The following PCDH7 variants were observed in gnomAD, a reference collection of about 807,000 sequenced individuals.
The protein encoded by PCDH7 is protocadherin 7, also known as protocadherin-7.
Under a neutral mutation model 58.9 loss-of-function variants are expected in PCDH7, and 17 were observed. The observed-to-expected ratio is 0.29, with a 90% CI of 0.20 to 0.43. The LOEUF (loss-of-function observed/expected upper bound fraction) is 0.43. Among genes scored for constraint, PCDH7 ranks in the 20% least tolerant of loss-of-function variants. The pLI, the probability that PCDH7 is intolerant of heterozygous loss-of-function variation, is 1.00. For missense variants in PCDH7, 1,274 were observed against 1,441.0 expected (o/e 0.88, Z 1.88); for synonymous variants, 664 against 616.4 (o/e 1.08, Z -1.14).
At chr4:31,120,074 G>T (rs1451490125) in intron 3 of PCDH7, among the ~76,000 whole-genome samples, 3 of 152,010 alleles carry the variant, frequency 2.0e-5, no homozygotes, top group Non-Finnish European at 4.4e-5. Context: ...TTTCCTGGTG[G>T]GGTGTGAGGG....
chr4:30,942,039 A>G (rs1746101765), intron 2 of PCDH7, among the ~76,000 whole-genome samples: 1 of 151,902 alleles, frequency 6.6e-6, no homozygotes, highest in South Asian at 2.1e-4. Flanking sequence ...ATCCTACCTT[A>G]CTAGACTTTA....
intron 1 of PCDH7, among the ~76,000 whole-genome samples, chr4:30,788,698 A>G (rs1723737311): frequency 6.6e-6 from 1 of 152,102 alleles, no homozygotes; most frequent in Admixed American, 6.6e-5. Flanking sequence ...TAGACACTTA[A>G]GATAAACAGA....
At chr4:31,056,635 G>GGA (rs777023500) in intron 3 of PCDH7, among the ~76,000 whole-genome samples, 2 of 147,756 alleles carry the variant, frequency 1.4e-5, no homozygotes, top group African/African-American at 5.0e-5. Flanking sequence ...GAGAGAGAGA[G>GGA]GAGAGAGAGA....
rs565269286 is a variant in PCDH7, at chr4:30,952,343, A to G, written c.*7+2128A>G. ...GATTTGAGGAAAGGAAATTATGAAA[A>G]TTATACATGGGATTATAGGAAAATA... On this transcript the variant is annotated intron_variant, in intron 3 of 3. Transcript: ENST00000509759. 1.2e-3 allele frequency among the ~76,000 whole-genome samples: 190 copies of G among 152,240 alleles called. 1 individual carries two copies. Among genetic ancestry groups the G allele is most frequent in the South Asian group, 7.0e-3 (34 of 4,826 alleles).
chr4:30,940,853 A>T (rs1184516422), intron 2 of PCDH7, among the ~76,000 whole-genome samples: 1 of 151,998 alleles, frequency 6.6e-6, no homozygotes, highest in Non-Finnish European at 1.5e-5. Context: ...TCGCTCCTGC[A>T]GTTTTATCTT....
intron 1 of PCDH7, among the ~76,000 whole-genome samples, chr4:30,800,958 T>C (rs1346975628): frequency 6.6e-6 from 1 of 152,176 alleles, no homozygotes; most frequent in Non-Finnish European, 1.5e-5. Flanking sequence ...TTTTGGGAAG[T>C]TGGCTCTGCT....
chr4:31,057,880 C>T (rs959000819), intron 3 of PCDH7, among the ~76,000 whole-genome samples: 1 of 151,964 alleles, frequency 6.6e-6, no homozygotes, highest in Non-Finnish European at 1.5e-5. Context: ...AAACATGTAC[C>T]TGGAATATGT....
intron 3 of PCDH7, among the ~76,000 whole-genome samples, chr4:31,014,155 G>T (rs992229871): frequency 6.6e-6 from 1 of 151,972 alleles, no homozygotes; most frequent in Non-Finnish European, 1.5e-5. Flanking sequence ...GAAAAAAAAG[G>T]AAGTGGCCTA....
intron 1 of PCDH7, among the ~76,000 whole-genome samples, chr4:30,893,655 A>C (rs1242724484): frequency 2.0e-5 from 3 of 152,112 alleles, no homozygotes; most frequent in Non-Finnish European, 4.4e-5. Context: ...ATTTTGTTGA[A>C]TATTAGTATG....
At chr4:30,875,739 T>C (rs1006314680) in intron 1 of PCDH7, among the ~76,000 whole-genome samples, 1 of 152,090 alleles carries the variant, frequency 6.6e-6, no homozygotes, top group Admixed American at 6.6e-5. Flanking sequence ...TGTTGGGTCT[T>C]AGCTTAAGGT....
chr4:30,905,598 T>A (rs891998728), intron 1 of PCDH7, among the ~76,000 whole-genome samples: 1 of 152,152 alleles, frequency 6.6e-6, no homozygotes, highest in South Asian at 2.1e-4. Context: ...TTCAGCACAG[T>A]GGTAGGCACA....
At chr4:30,936,283 T>C (rs1422021379) in intron 2 of PCDH7, among the ~76,000 whole-genome samples, 3 of 151,952 alleles carry the variant, frequency 2.0e-5, no homozygotes, top group Admixed American at 6.6e-5. Context: ...GAAGAAGATA[T>C]GGAAAGTTGT....
intron 1 of PCDH7, among the ~76,000 whole-genome samples, chr4:30,824,159 C>CT (rs1185760665): frequency 7.7e-5 from 6 of 78,184 alleles, no homozygotes; most frequent in African/African-American, 2.9e-4. Context: ...TTCTTTCTTT[C>CT]TTTTTGCTTC....
chr4:30,916,708 C>T (rs988266939), intron 1 of PCDH7, among the ~76,000 whole-genome samples: 1 of 152,136 alleles, frequency 6.6e-6, no homozygotes, highest in African/African-American at 2.4e-5. Flanking sequence ...ACTGACTCTC[C>T]CTGGAAACTA....
intron 1 of PCDH7, among the ~76,000 whole-genome samples, chr4:30,896,889 CTTTT>C (rs71190474): frequency 3.7e-5 from 1 of 27,344 alleles, no homozygotes; most frequent in African/African-American, 1.6e-4. Context: ...TAGTTCTTTG[CTTTT>C]TTTTTTTTTT....
At chr4:30,920,716 G>C (rs952676434) in intron 2 of PCDH7, among the ~76,000 whole-genome samples, 1 of 152,098 alleles carries the variant, frequency 6.6e-6, no homozygotes, top group African/African-American at 2.4e-5. Context: ...ATTCATTTTT[G>C]TCATGCAACT....
intron 3 of PCDH7, among the ~76,000 whole-genome samples, chr4:30,977,923 C>T (rs1255931880): frequency 5.3e-5 from 8 of 152,096 alleles, no homozygotes; most frequent in Non-Finnish European, 1.0e-4. Context: ...TGGTGGAGAG[C>T]GTTGCGTATA....
At chr4:31,051,084 C>A (rs1756696598) in intron 3 of PCDH7, among the ~76,000 whole-genome samples, 2 of 152,098 alleles carry the variant, frequency 1.3e-5, no homozygotes, top group African/African-American at 2.4e-5. Flanking sequence ...TTTTATTGGA[C>A]CTGCCTTGGT....
intron 3 of PCDH7, among the ~76,000 whole-genome samples, chr4:30,956,740 A>G (rs148379277): frequency 1.2e-3 from 190 of 152,304 alleles, no homozygotes; most frequent in African/African-American, 4.2e-3. Flanking sequence ...GACACTTGTG[A>G]TCCAGATTTT....
Sources: gnomAD v4.1 joint callset for allele counts (sites outside exome capture counted in the v4.1 genomes callset) on GRCh38, gnomAD v4.1.1 for gene constraint, MANE v1.5 for transcripts, NCBI Gene and HGNC (gene_info 2026-07-23, HGNC 2026-07-21) for gene names.